Variants in FAM91A1 observed in about 807,000 individuals in gnomAD.
FAM91A1 encodes family with sequence similarity 91 member A1, also known as protein FAM91A1.
Under a neutral mutation model 113.5 loss-of-function variants are expected in FAM91A1, and 41 were observed. The observed-to-expected ratio is 0.36, with a 90% CI of 0.28 to 0.47. FAM91A1 has a LOEUF of 0.47. Among genes scored for constraint, FAM91A1 ranks in the 20% least tolerant of loss-of-function variants. The probability of loss-of-function intolerance (pLI) is 1.00; values close to 1 mark genes in which losing one functional copy is unlikely to be tolerated. For missense variants in FAM91A1, 696 were observed against 1,001.2 expected, an observed-to-expected ratio of 0.70 and a Z score of 4.11; for synonymous variants, 307 against 347.9, an observed-to-expected ratio of 0.88 and a Z score of 1.31.
intron 3 of FAM91A1, 112 bp from the exon 4 acceptor site, chr8:123,777,153 T>G: frequency 1.3e-6 from 1 of 770,932 alleles, no homozygotes; most frequent in Non-Finnish European, 2.0e-6. Flanking sequence ...AACTATGATC[T>G]TACTGCTTCC....
Position 123,778,014 on chromosome 8 carries a change from C to T in FAM91A1, c.368-11C>T. On this transcript the variant is annotated splice_polypyrimidine_tract_variant and intron_variant, in intron 4 of 23. Transcript: ENST00000334705. ...GTTAAATGTTTTTAAAGGAAAGACT[C>T]TTTTTTTCAGGTCTAAGGCTTCTTG... The T allele has an allele frequency of 6.2e-7, 1 of 1,608,960 alleles. No individual in the cohort carries two copies.
chr8:123,810,401 T>C (rs749866676), intron 23 of FAM91A1, 50 bp downstream of exon 23: 16 of 1,473,728 alleles, frequency 1.1e-5, no homozygotes, highest in South Asian at 5.8e-5. Context: ...GCTTTAAGTA[T>C]GCACAACACT....
chr8:123,777,084 C>T (rs1815002343), intron 3 of FAM91A1, among the ~76,000 whole-genome samples, 181 bp from the exon 4 acceptor site: 1 of 152,170 alleles, frequency 6.6e-6, no homozygotes, highest in Admixed American at 6.5e-5. Context: ...CCTTTAATTA[C>T]TAGGTTGGGA....
chr8:123,802,694 T>C (rs1167637084), intron 18 of FAM91A1, among the ~76,000 whole-genome samples: 5 of 152,136 alleles, frequency 3.3e-5, no homozygotes, highest in African/African-American at 4.8e-5. Flanking sequence ...AGGGAAGATA[T>C]ATAGTATGGG....
chr8:123,768,697 G>C lies in FAM91A1; in HGVS notation c.-6G>C. 1 of 1,596,430 alleles carries C rather than the reference G, an allele frequency of 6.3e-7. No homozygotes were observed. The highest frequency in any genetic ancestry group is 8.5e-7 in the Non-Finnish European group (1 of 1,172,298). On this transcript the variant is annotated 5_prime_UTR_variant, in exon 1 of 24. Transcript: ENST00000334705. ...GGCCCCGGCCGCCGGCCCTGGCCGC[G>C]GCATCATGAACATAGACGTGGAGTT...
chr8:123,776,915 CATG>C, intron 3 of FAM91A1, among the ~76,000 whole-genome samples: 1 of 152,264 alleles, frequency 6.6e-6, no homozygotes, highest in South Asian at 2.1e-4. Flanking sequence ...GGCTTTCTCT[CATG>C]GTGGAGATCT....
intron 18 of FAM91A1, among the ~76,000 whole-genome samples, chr8:123,804,646 C>T (rs1176062429): frequency 6.6e-6 from 1 of 152,054 alleles, no homozygotes; most frequent in Non-Finnish European, 1.5e-5. Flanking sequence ...TGTCTTTATG[C>T]ATATGCAAGT....
At chr8:123,780,903 C>T (rs182307101) in intron 8 of FAM91A1, among the ~76,000 whole-genome samples, 74 of 152,218 alleles carry the variant, frequency 4.9e-4, no homozygotes, top group African/African-American at 1.7e-3. Context: ...CATACTGGTG[C>T]ATTATTTTTT....
intron 15 of FAM91A1, among the ~76,000 whole-genome samples, chr8:123,794,051 G>T (rs946003637): frequency 6.6e-6 from 1 of 152,142 alleles, no homozygotes; most frequent in African/African-American, 2.4e-5. Context: ...TGAGGACTTG[G>T]CTATGATTCT....
chr8:123,809,208 A>T (rs941428890), intron 22 of FAM91A1, among the ~76,000 whole-genome samples, 192 bp downstream of exon 22: 5 of 152,244 alleles, frequency 3.3e-5, no homozygotes, highest in African/African-American at 1.2e-4. Flanking sequence ...ATCAGAAATT[A>T]GTCACAGGCA....
chr8:123,803,571 G>A (rs1289678124), intron 18 of FAM91A1, among the ~76,000 whole-genome samples: 1 of 152,122 alleles, frequency 6.6e-6, no homozygotes, highest in African/African-American at 2.4e-5. Context: ...CAAAAGTGCT[G>A]GGATTACAGG....
Position 123,799,773 on chromosome 8 carries a change from G to A in FAM91A1, c.1697G>A (p.Ser566Asn), listed in dbSNP as rs571591535. 50 of 1,607,668 alleles carry A rather than the reference G, an allele frequency of 3.1e-5. 1 individual carries two copies. The South Asian group carries it at 5.5e-4, about 18-fold the overall frequency. Reference protein sequence around the residue: ...RLRKLPDIFQSYDRLLITSWG... With the variant: ...RLRKLPDIFQNYDRLLITSWG... ...TACCTGTTAATTTCTTTTCAATAGAGTTATGATCGATTGCTAATAACATCT... is the reference window on the plus strand; with the variant it reads ...TACCTGTTAATTTCTTTTCAATAGAATTATGATCGATTGCTAATAACATCT... Residue 566 changes from serine (S) to asparagine (N), a missense_variant and splice_region_variant, in exon 18 of 24, where the codon AGT becomes AAT. By Grantham distance (46) the Ser-to-Asn change is conservative (BLOSUM62 1). Transcript: ENST00000334705.
intron 1 of FAM91A1, among the ~76,000 whole-genome samples, chr8:123,772,563 G>C (rs772395328): frequency 1.3e-5 from 2 of 152,166 alleles, no homozygotes; most frequent in African/African-American, 4.8e-5. Context: ...TGGTTCTACC[G>C]TGGGTTCTGG....
In FAM91A1 at chr8:123,777,127, A is replaced by G. The variant is rs942962606; in HGVS notation, c.310-138A>G. 31 of 610,586 alleles carry G rather than the reference A, an allele frequency of 5.1e-5. 2 individuals are homozygous for G. In the Admixed American group the frequency reaches 1.0e-3, roughly 20 times the overall value. 37.8% of individuals were successfully genotyped at this position (610,586 alleles called of 1,614,324 possible). ...TGGAAAGTGCCACAGGGTGGCATGTATGCTCTAGGTAGCCAAACTATGATC... is the reference window on the plus strand; with the variant it reads ...TGGAAAGTGCCACAGGGTGGCATGTGTGCTCTAGGTAGCCAAACTATGATC... On this transcript the variant is annotated intron_variant, in intron 3 of 23. Coordinates refer to ENST00000334705, the MANE Select transcript of FAM91A1 (RefSeq NM_144963.4).
At chr8:123,784,295 T>C (rs904588684) in intron 8 of FAM91A1, among the ~76,000 whole-genome samples, 175 bp from the exon 9 acceptor site, 2 of 152,196 alleles carry the variant, frequency 1.3e-5, no homozygotes, top group Non-Finnish European at 2.9e-5. Context: ...TTCAGAGTCT[T>C]CTCTGTGTAC....
chr8:123,777,348 G>C (rs1455534655), intron 4 of FAM91A1, 26 bp downstream of exon 4: 4 of 1,601,546 alleles, frequency 2.5e-6, no homozygotes, highest in Non-Finnish European at 3.4e-6. Context: ...TGCTGAAGAA[G>C]GTAATGTTTA....
chr8:123,771,430 A>G (rs1198202773), intron 1 of FAM91A1, among the ~76,000 whole-genome samples: 1 of 152,204 alleles, frequency 6.6e-6, no homozygotes, highest in African/African-American at 2.4e-5. Flanking sequence ...GTTTACCTTG[A>G]AAATGACTCA....
intron 22 of FAM91A1, among the ~76,000 whole-genome samples, 181 bp downstream of exon 22, chr8:123,809,197 G>T (rs1453334698): frequency 6.6e-6 from 1 of 152,106 alleles, no homozygotes; most frequent in African/African-American, 2.4e-5. Flanking sequence ...AATTTCACTA[G>T]ATCAGAAATT....
chr8:123,784,528 A>C lies in FAM91A1; in HGVS notation c.762A>C (p.Leu254=). The change falls in exon 9 of 24, where the codon CTA becomes CTC. Residue 254 remains leucine (L), a synonymous_variant. Coordinates refer to ENST00000334705, the MANE Select transcript of FAM91A1 (RefSeq NM_144963.4). ...TGCAAGGTGATTATTTTGAAACTCTACTCTATAAGATATTTGTTTCAATAG... is the reference window on the plus strand; with the variant it reads ...TGCAAGGTGATTATTTTGAAACTCTCCTCTATAAGATATTTGTTTCAATAG... ...NRVQGDYFET[L]LYKIFVSIDE... is the part of the protein sequence containing the mutation. 1 of 1,607,976 alleles carries C rather than the reference A, an allele frequency of 6.2e-7. No homozygotes were observed. The highest frequency in any genetic ancestry group is 8.5e-7 in the Non-Finnish European group (1 of 1,177,862).
Sources: allele counts gnomAD v4.1 joint callset (sites outside exome capture counted in the v4.1 genomes callset), GRCh38; gene constraint gnomAD v4.1.1; transcripts MANE v1.5; gene names NCBI Gene and HGNC (gene_info 2026-07-23, HGNC 2026-07-21).